Variants in GUCY1A2 observed in about 807,000 individuals in gnomAD.
GUCY1A2 encodes guanylate cyclase soluble subunit alpha-2.
Under a neutral mutation model 63.5 loss-of-function variants are expected in GUCY1A2, and 27 were observed. The ratio of observed to expected loss-of-function variants is 0.43; its 90% CI spans 0.31 to 0.59. The LOEUF is 0.59. Ranked by LOEUF, GUCY1A2 falls within the 20% of genes least tolerant of loss-of-function variation. The pLI, the probability that GUCY1A2 is intolerant of heterozygous loss-of-function variation, is 0.11. For synonymous variants in GUCY1A2, 364 were observed against 343.5 expected, an observed-to-expected ratio of 1.06 and a Z score of -0.66; for missense variants, 768 against 913.3, an observed-to-expected ratio of 0.84 and a Z score of 2.05.
rs1272032702 is a variant in GUCY1A2, at chr11:106,681,640, T to C, written c.*5909A>G. ...GTCATTTGCCCGAATATTTTTAATC[T>C]GAGTCATTACTTGCTGCTCATTTTG... On this transcript the variant is annotated 3_prime_UTR_variant, in exon 8 of 8. Coordinates refer to ENST00000526355, the MANE Select transcript of GUCY1A2 (RefSeq NM_000855.3). 1.8e-5 allele frequency: 4 copies of C among 222,652 alleles called. No individual in the cohort carries two copies. Among genetic ancestry groups the C allele is most frequent in the Non-Finnish European group, 3.6e-5 (4 of 111,480 alleles). 13.8% of individuals were successfully genotyped at this position (222,652 alleles called of 1,614,324 possible). A position where few individuals can be genotyped will look rare whatever the true frequency, so the allele number is the denominator to read the frequency against.
intron 7 of GUCY1A2, among the ~76,000 whole-genome samples, chr11:106,701,388 G>A (rs61905173): frequency 2.2e-3 from 327 of 151,708 alleles, no homozygotes; most frequent in Admixed American, 5.7e-3. Context: ...ATTATCCTGA[G>A]TATAAAAACA....
chr11:106,891,767 T>A (rs1183708962), intron 4 of GUCY1A2, among the ~76,000 whole-genome samples: 1 of 152,140 alleles, frequency 6.6e-6, no homozygotes, highest in Non-Finnish European at 1.5e-5. Context: ...CACTAATCTA[T>A]CAGTTATTAT....
At chr11:106,812,238 A>T (rs907046822) in intron 4 of GUCY1A2, among the ~76,000 whole-genome samples, 1 of 151,968 alleles carries the variant, frequency 6.6e-6, no homozygotes, top group Non-Finnish European at 1.5e-5. Flanking sequence ...AGTTAATCAT[A>T]TTTTTAAATG....
chr11:106,877,941 C>T (rs1358588707), intron 4 of GUCY1A2, among the ~76,000 whole-genome samples: 1 of 150,818 alleles, frequency 6.6e-6, no homozygotes, highest in Non-Finnish European at 1.5e-5. Flanking sequence ...AAAGAAAAAC[C>T]CAAACAAACC....
At chr11:106,804,212 A>C (rs1048741499) in intron 5 of GUCY1A2, among the ~76,000 whole-genome samples, 21 of 152,344 alleles carry the variant, frequency 1.4e-4, no homozygotes, top group African/African-American at 4.6e-4. Flanking sequence ...CCTAATTAGA[A>C]AACATTGTTG....
At chr11:106,982,061 T>G (rs908787764) in intron 2 of GUCY1A2, among the ~76,000 whole-genome samples, 3 of 152,170 alleles carry the variant, frequency 2.0e-5, no homozygotes, top group Admixed American at 2.0e-4. Context: ...TCATTTAAAC[T>G]TCACCACAAC....
At chr11:106,866,617 T>C (rs1859598101) in intron 4 of GUCY1A2, among the ~76,000 whole-genome samples, 1 of 152,050 alleles carries the variant, frequency 6.6e-6, no homozygotes. Flanking sequence ...TTTTATTTGG[T>C]CTGTGGTAAT....
rs115139460 is a variant in GUCY1A2 at position 106,755,023 on chromosome 11, G to C, written c.1836+21416C>G. Among the ~76,000 whole-genome samples, 1,039 of 152,080 alleles carry C rather than the reference G, an allele frequency of 6.8e-3. 14 individuals are homozygous for C. Among genetic ancestry groups the C allele is most frequent in the African/African-American group, 0.023 (975 of 41,516 alleles). ...TGGTAGGCTATTATTGCCTCAATTT[G>C]AGAAACTGTTACTGGTCTGTTAAGA... On this transcript the variant is annotated intron_variant, in intron 6 of 7. Transcript: ENST00000526355.
At chr11:106,702,083 T>C (rs1862826739) in intron 7 of GUCY1A2, among the ~76,000 whole-genome samples, 1 of 152,146 alleles carries the variant, frequency 6.6e-6, no homozygotes, top group South Asian at 2.1e-4. Context: ...TAGTGACTTA[T>C]TTAACCTAAG....
At chr11:106,831,050 T>C (rs1240356820) in intron 4 of GUCY1A2, among the ~76,000 whole-genome samples, 1 of 152,166 alleles carries the variant, frequency 6.6e-6, no homozygotes, top group Non-Finnish European at 1.5e-5. Flanking sequence ...AAAGCTTATA[T>C]AGCTATAAGC....
rs1297601745 is a variant in GUCY1A2, at chr11:106,679,789, A to G, written c.*7760T>C. The G allele has an allele frequency of 9.2e-6, 2 of 218,168 alleles. No homozygotes were observed. The highest frequency in any genetic ancestry group is 6.7e-5 in the East Asian group (1 of 14,974). 13.5% of individuals were successfully genotyped at this position (218,168 alleles called of 1,614,324 possible). Reference sequence around the variant, plus strand: ...GTTCCTTCAACCCAGATGTTCTGACACTTTCATTTACCTTAATCATTGTAA... The same window carrying G: ...GTTCCTTCAACCCAGATGTTCTGACGCTTTCATTTACCTTAATCATTGTAA... On this transcript the variant is annotated 3_prime_UTR_variant, in exon 8 of 8. Transcript: ENST00000526355.
At chr11:106,927,531 A>C (rs968447641) in intron 4 of GUCY1A2, among the ~76,000 whole-genome samples, 5 of 152,082 alleles carry the variant, frequency 3.3e-5, no homozygotes, top group East Asian at 1.9e-4. Context: ...AAAATAATAT[A>C]TATTATTTCA....
At chr11:106,851,469 G>A (rs750509358) in intron 4 of GUCY1A2, among the ~76,000 whole-genome samples, 2 of 151,692 alleles carry the variant, frequency 1.3e-5, no homozygotes, top group Non-Finnish European at 2.9e-5. Flanking sequence ...TCTTCTACTG[G>A]TTTTATCATT....
chr11:106,817,989 T>C (rs1296609086), intron 4 of GUCY1A2, among the ~76,000 whole-genome samples: 1 of 152,122 alleles, frequency 6.6e-6, no homozygotes. Flanking sequence ...ATCTCACTAC[T>C]GAGTATATAT....
At chr11:106,855,842 G>A (rs1181420352) in intron 4 of GUCY1A2, among the ~76,000 whole-genome samples, 1 of 151,910 alleles carries the variant, frequency 6.6e-6, no homozygotes, top group Non-Finnish European at 1.5e-5. Flanking sequence ...AAATCAGAAA[G>A]TATTAGTCCT....
chr11:106,919,583 A>G (rs2119895763), intron 4 of GUCY1A2, among the ~76,000 whole-genome samples: 1 of 152,290 alleles, frequency 6.6e-6, no homozygotes, highest in Admixed American at 6.6e-5. Flanking sequence ...TAGACAATAA[A>G]GGCATGTGGA....
chr11:106,781,343 C>G (rs1049625938), intron 5 of GUCY1A2, among the ~76,000 whole-genome samples: 17 of 152,114 alleles, frequency 1.1e-4, no homozygotes, highest in African/African-American at 4.1e-4. Flanking sequence ...ATGCAAATGT[C>G]TGAAAAAACT....
rs566350336 is a variant in GUCY1A2 at position 106,675,543 on chromosome 11, G to T, written c.*12006C>A. On this transcript the variant is annotated 3_prime_UTR_variant, in exon 8 of 8. Transcript: ENST00000526355. ...AAGGCAATAAAATAGAGGGAAAAAT[G>T]GGACTGTGGATTACAACTGTTCAAA... 1 of 196,966 alleles carries T rather than the reference G, an allele frequency of 5.1e-6. No homozygotes were observed. The highest frequency in any genetic ancestry group is 2.3e-5 in the African/African-American group (1 of 43,322). The allele number at this position is 196,966 out of a possible 1,614,324, so 12.2% of individuals were successfully genotyped here.
At chr11:106,749,325 G>T (rs1251227505) in intron 6 of GUCY1A2, among the ~76,000 whole-genome samples, 1 of 152,078 alleles carries the variant, frequency 6.6e-6, no homozygotes, top group Non-Finnish European at 1.5e-5. Context: ...GTCCACAAGA[G>T]AAAATATTTG....
Sources: gnomAD v4.1 joint callset for allele counts (sites outside exome capture counted in the v4.1 genomes callset) on GRCh38, gnomAD v4.1.1 for gene constraint, MANE v1.5 for transcripts, NCBI Gene and HGNC (gene_info 2026-07-23, HGNC 2026-07-21) for gene names.